IGSF8: variants seen among roughly 807,000 people sequenced by gnomAD.
IGSF8 encodes immunoglobulin superfamily member 8.
IGSF8 carries 46 observed loss-of-function variants against 55.5 expected under a neutral mutation model. The ratio of observed to expected loss-of-function variants is 0.83; its 90% confidence interval spans 0.65 to 1.06. IGSF8 has a LOEUF of 1.06. Ranked by LOEUF, IGSF8 falls within the 50% of genes least tolerant of loss-of-function variation. IGSF8 has a pLI of 0.00. For missense variants in IGSF8, 731 were observed against 832.3 expected (o/e 0.88, Z 1.50); for synonymous variants, 314 against 356.1 (o/e 0.88, Z 1.33).
In IGSF8 at chr1:160,095,155, G is replaced by T. The variant is rs778665542; in HGVS notation, c.156C>A (p.Thr52=). The T allele has an allele frequency of 6.2e-7, 1 of 1,613,412 alleles. No individual in the cohort carries two copies. Among genetic ancestry groups the T allele is most frequent in the Non-Finnish European group, 8.5e-7 (1 of 1,180,032 alleles). Residue 52 remains threonine, a synonymous_variant, in exon 2 of 7, where the codon ACC becomes ACA. Transcript: ENST00000314485. ...GTAVSISCNV[T]GYEGPAQQNF... ...TCTGCTGGGCAGGGCCCTCATAGCC[G>T]GTCACATTGCAGGAGATGGAGACAG...
chr1:160,098,815 C>G, upstream of IGSF8: 1 of 221,192 alleles, frequency 4.5e-6, no homozygotes, highest in Non-Finnish European at 8.5e-6. Flanking sequence ...CCGGCCCCGC[C>G]CCGCCCCTCG....
chr1:160,099,114 T>A (rs1223095154), upstream of IGSF8, among the ~76,000 whole-genome samples: 2 of 138,268 alleles, frequency 1.4e-5, no homozygotes. Context: ...GCCCCGCCCC[T>A]GGCCCTGGCT....
Position 160,092,944 on chromosome 1 carries a change from G to C in IGSF8, c.1292C>G (p.Pro431Arg), listed in dbSNP as rs1359520869. The change falls in exon 4 of 7, where the codon CCT becomes CGT. Residue 431 changes from proline to arginine, a missense_variant. Pro to Arg is a moderately radical substitution (Grantham distance 103). Coordinates refer to ENST00000314485, the MANE Select transcript of IGSF8 (RefSeq NM_052868.6). ...CTCACCTTCCTCCCGCACATGTACA[G>C]GGAGAGGCCGGGAACGGGCACTGGC... ...EAASARSRPLPVHVREEGVVL... is the reference protein window; with the variant it reads ...EAASARSRPLRVHVREEGVVL... 2 of 1,605,558 alleles carry C rather than the reference G, an allele frequency of 1.2e-6. No homozygotes were observed. Among genetic ancestry groups the C allele is most frequent in the Admixed American group, 1.7e-5 (1 of 59,806 alleles).
rs201268710 is a variant in IGSF8 at position 160,094,859 on chromosome 1, G to A, written c.442+10C>T. On this transcript the variant is annotated intron_variant, in intron 2 of 6. Transcript: ENST00000314485. This position sits in a 1 kb window ranked among gnomAD's most constrained non-coding sequence, Gnocchi z 4.0. ...GGTGTGTGGCTCCACCCCGTCCCAGGGCCCAGTACCTCTCAGCTCCACCTT... is the reference window on the plus strand; with the variant it reads ...GGTGTGTGGCTCCACCCCGTCCCAGAGCCCAGTACCTCTCAGCTCCACCTT... 1,100 of 1,602,886 alleles carry A rather than the reference G, an allele frequency of 6.9e-4. 1 individual carries two copies. Among genetic ancestry groups the A allele is most frequent in the Non-Finnish European group, 6.1e-4 (714 of 1,171,962 alleles).
Position 160,093,737 on chromosome 1 carries a change from G to C in IGSF8, c.877C>G (p.Leu293Val). ...AGCGTCTGCACATCCACGTGGGCCA[G>C]GACGGCCCTTTTCTCTGCAATCTGG... is the stretch of plus-strand genomic sequence containing the variant. ...WAQIAEKRAV[L>V]AHVDVQTLSS... The change falls in exon 3 of 7, where the codon CTG becomes GTG. Residue 293 changes from leucine to valine, a missense_variant. Coordinates refer to ENST00000314485, the MANE Select transcript of IGSF8 (RefSeq NM_052868.6). 1.2e-6 allele frequency: 2 copies of C among 1,611,716 alleles called. No homozygotes were observed. The highest frequency in any genetic ancestry group is 2.2e-5 in the East Asian group (1 of 44,848).
At chr1:160,098,627 C>T (rs1006088531), upstream of IGSF8, 27 of 560,308 alleles carry the variant, frequency 4.8e-5, no homozygotes, top group East Asian at 3.3e-4. Flanking sequence ...AATCCCCTCC[C>T]TCCGCCCCTC....
At chr1:160,092,896 C>G (rs1305682960) in intron 4 of IGSF8, 28 bp downstream of exon 4, 1 of 1,571,406 alleles carries the variant, frequency 6.4e-7, no homozygotes, top group Non-Finnish European at 8.7e-7. Context: ...AATCCTCGAA[C>G]CCCGTCCAGG....
intron 1 of IGSF8, among the ~76,000 whole-genome samples, chr1:160,096,270 C>A (rs1440620332): frequency 6.6e-6 from 1 of 152,162 alleles, no homozygotes; most frequent in Non-Finnish European, 1.5e-5. Flanking sequence ...TAGGCCACCC[C>A]TCCCCACCTC....
chr1:160,098,545 A>T lies in IGSF8; in HGVS notation c.-73T>A. The stretch of plus-strand genomic sequence containing the variant: ...GGGGGGCCGGAAGGGTGGGGGGCGC[A>T]TGCCCAGGTTGAGGGCAGGAAGCGG... On this transcript the variant is annotated 5_prime_UTR_variant, in exon 1 of 7. It removes an upstream start codon present in the reference 5' UTR. Transcript: ENST00000314485. 1 of 1,082,998 alleles carries T rather than the reference A, an allele frequency of 9.2e-7. No individual in the cohort carries two copies. Among genetic ancestry groups the T allele is most frequent in the Admixed American group, 2.3e-5 (1 of 44,196 alleles). The allele number at this position is 1,082,998 out of a possible 1,614,324, so 67.1% of individuals were successfully genotyped here. A position where few individuals can be genotyped will look rare whatever the true frequency, so the allele number is the denominator to read the frequency against.
rs1304029269 is a variant in IGSF8 at position 160,093,774 on chromosome 1, A to G, written c.840T>C (p.Asp280=). 2 of 1,613,860 alleles carry G rather than the reference A, an allele frequency of 1.2e-6. No homozygotes were observed. The highest frequency in any genetic ancestry group is 1.3e-5 in the African/African-American group (1 of 74,908). ...TCTCTGCAATCTGGGCCCAGCTGCC[A>G]TCAGGATCCTGAATCCACTCAGCGG... ...CTAAEWIQDP[D]GSWAQIAEKR... Residue 280 remains aspartate (D), a synonymous_variant, in exon 3 of 7, where the codon GAT becomes GAC. Coordinates refer to ENST00000314485, the MANE Select transcript of IGSF8 (RefSeq NM_052868.6).
chr1:160,092,143 G>T, intron 5 of IGSF8, 139 bp downstream of exon 5: 2 of 1,047,256 alleles, frequency 1.9e-6, no homozygotes, highest in Non-Finnish European at 2.9e-6. Context: ...AGGGCTGGAA[G>T]TTGGATTTTT....
chr1:160,093,636 C>A (rs1650179532), intron 3 of IGSF8, 74 bp downstream of exon 3: 1 of 1,203,600 alleles, frequency 8.3e-7, no homozygotes, highest in African/African-American at 1.5e-5. Flanking sequence ...TATCTGGTAC[C>A]CCCTGTGGCC....
In IGSF8 at chr1:160,092,498, C is replaced by T. The variant is rs781780528; in HGVS notation, c.1510G>A (p.Gly504Ser). 3 of 1,613,394 alleles carry T rather than the reference C, an allele frequency of 1.9e-6. No individual in the cohort carries two copies. The highest frequency in any genetic ancestry group is 2.7e-5 in the African/African-American group (2 of 74,944). ...AQLVGGVGQD[G>S]VAELGVRPGG... ...GGCCGGACTCCCAGCTCTGCCACAC[C>T]ATCCTGGCCTACGCCACCCACCAGC... Residue 504 changes from glycine (G) to serine (S), a missense_variant, in exon 5 of 7, where the codon GGT becomes AGT. Coordinates refer to ENST00000314485, the MANE Select transcript of IGSF8 (RefSeq NM_052868.6).
intron 1 of IGSF8, 44 bp downstream of exon 1, chr1:160,098,365 A>G (rs1185788777): frequency 6.4e-7 from 1 of 1,552,958 alleles, no homozygotes; most frequent in Admixed American, 2.0e-5. Context: ...GATGGCAGGC[A>G]CCTGCCCGGC....
At chr1:160,095,268 G>A in intron 1 of IGSF8, 22 bp from the exon 2 acceptor site, 1 of 1,585,048 alleles carries the variant, frequency 6.3e-7, no homozygotes, top group Middle Eastern at 1.7e-4. Context: ...GGCAGAAGGA[G>A]TTGGAGATGC....
rs757227206 is a variant in IGSF8, at chr1:160,093,068, G to C, written c.1168C>G (p.Arg390Gly). The stretch of plus-strand genomic sequence containing the variant: ...GGCCTGGCAGCCTCTAGCCGTAGCC[G>C]GTATGTTCTGGATGCCACCTTCTCC... Reference protein sequence around the residue: ...AMEKVASRTYRLRLEAARPGD... With the variant: ...AMEKVASRTYGLRLEAARPGD... Residue 390 changes from arginine to glycine, a missense_variant, in exon 4 of 7, where the codon CGG (arginine) becomes GGG (glycine). Physicochemically the swap from Arg to Gly is moderately radical, Grantham distance 125. Transcript: ENST00000314485. The C allele has an allele frequency of 1.9e-6, 3 of 1,614,124 alleles. No individual in the cohort carries two copies. The highest frequency in any genetic ancestry group is 1.7e-6 in the Non-Finnish European group (2 of 1,179,976).
Position 160,098,416 on chromosome 1 carries a change from T to TAGCAGCAGC in IGSF8, c.48_56dup (p.Leu17_Leu19dup). 4 of 1,549,468 alleles carry TAGCAGCAGC rather than the reference T, an allele frequency of 2.6e-6. No individual in the cohort carries two copies. Among genetic ancestry groups the TAGCAGCAGC allele is most frequent in the Middle Eastern group, 3.4e-4 (2 of 5,918 alleles). ...AACGGGGGCCTGGCTTACCTAGCAT[T>TAGCAGCAGC]AGCAGCAGCAGCAGCGGCAGCGAAG... On this transcript the variant is annotated inframe_insertion, in exon 1 of 7. Transcript: ENST00000314485.
At chr1:160,096,195 T>G (rs1018292301) in intron 1 of IGSF8, among the ~76,000 whole-genome samples, 3 of 151,796 alleles carry the variant, frequency 2.0e-5, no homozygotes, top group African/African-American at 7.3e-5. Context: ...AGGGCTTAGC[T>G]CCTCCCTTCT....
In IGSF8 at chr1:160,093,169, C is replaced by T. The variant is rs1257000530; in HGVS notation, c.1067G>A (p.Gly356Asp). 1 of 1,613,490 alleles carries T rather than the reference C, an allele frequency of 6.2e-7. No individual in the cohort carries two copies. The highest frequency in any genetic ancestry group is 1.7e-5 in the Admixed American group (1 of 59,966). ...EMAPAGAPGP[G>D]RLVAQLDTEG... ...TGTGTCCAGCTGGGCTACCAGGCGGCCGGGCCCAGGTGCCCCCGCAGGTGC... is the reference window on the plus strand; with the variant it reads ...TGTGTCCAGCTGGGCTACCAGGCGGTCGGGCCCAGGTGCCCCCGCAGGTGC... Residue 356 changes from glycine (G) to aspartate (D), a missense_variant, in exon 4 of 7, where the codon GGC becomes GAC. Transcript: ENST00000314485.
Sources: gnomAD v4.1 joint callset for allele counts (sites outside exome capture counted in the v4.1 genomes callset) on GRCh38, gnomAD v4.1.1 for gene constraint, Gnocchi (gnomAD v3.1) non-coding constraint, MANE v1.5 for transcripts, NCBI Gene and HGNC (gene_info 2026-07-23, HGNC 2026-07-21) for gene names.